TEX19: variants seen among roughly 807,000 people sequenced by gnomAD.
The protein encoded by TEX19 is testis expressed 19.
For missense variants in TEX19, 184 were observed against 194.4 expected (o/e 0.95, Z 0.32); for synonymous variants, 77 against 73.9 (o/e 1.04, Z -0.21).
chr17:82,360,036 C>CCTCA (rs2052370026), intron 1 of TEX19, among the ~76,000 whole-genome samples: 3 of 128,748 alleles, frequency 2.3e-5, no homozygotes, highest in Admixed American at 7.5e-5. Context: ...CAGGTTCCCC[C>CCTCA]AGTTTCCCCC....
At position 82,362,600 on chromosome 17, in the gene TEX19, G is replaced by A; in HGVS notation, c.450G>A (p.Glu150=). The A allele has an allele frequency of 1.9e-6, 3 of 1,588,952 alleles. No homozygotes were observed. The highest frequency in any genetic ancestry group is 2.6e-6 in the Non-Finnish European group (3 of 1,171,742). The part of the protein sequence containing the change: ...DWTQGLPWRF[E]ELLTCSHWPS... The stretch of plus-strand genomic sequence containing the variant: ...CCCAGGGTCTTCCCTGGAGATTTGA[G>A]GAGCTTCTTACCTGCTCACACTGGC... Residue 150 remains glutamate, a synonymous_variant, in exon 2 of 2, where the codon GAG becomes GAA. Transcript: ENST00000333437. The surrounding 1 kb of genome is among the most constrained non-coding windows in gnomAD (Gnocchi z 5.5).
Position 82,362,164 on chromosome 17 carries a change from T to A in TEX19, c.14T>A (p.Val5Asp). Reference protein sequence around the residue: MCPPVSMRYEEEGMS... With the variant: MCPPDSMRYEEEGMS... Reference sequence around the variant, plus strand: ...GGCAGCCTGGCCATGTGCCCTCCGGTCAGCATGCGGTATGAGGAAGAGGGC... The same window carrying A: ...GGCAGCCTGGCCATGTGCCCTCCGGACAGCATGCGGTATGAGGAAGAGGGC... Residue 5 changes from valine (V) to aspartate (D), a missense_variant, in exon 2 of 2, where the codon GTC (valine) becomes GAC (aspartate). Val to Asp is a radical substitution (Grantham distance 152, BLOSUM62 -3). Coordinates refer to ENST00000333437, the MANE Select transcript of TEX19 (RefSeq NM_207459.4). The surrounding 1 kb of genome is among the most constrained non-coding windows in gnomAD (Gnocchi z 5.5). 6.2e-7 allele frequency: 1 copy of A among 1,609,036 alleles called. No homozygotes were observed. Among genetic ancestry groups the A allele is most frequent in the Non-Finnish European group, 8.5e-7 (1 of 1,177,856 alleles).
intron 1 of TEX19, among the ~76,000 whole-genome samples, chr17:82,360,878 G>T (rs187780243): frequency 5.7e-4 from 34 of 60,046 alleles, no homozygotes; most frequent in African/African-American, 1.2e-3. Context: ...TTTCCCTCAG[G>T]TTCCCTCAGT....
At position 82,362,280 on chromosome 17, in the gene TEX19, GACTTT is replaced by G. The variant is rs758143796; in HGVS notation, c.132_136del (p.Asp44GlufsTer17). On this transcript the variant is annotated frameshift_variant, in exon 2 of 2. Transcript: ENST00000333437. LOFTEE classifies it low-confidence loss of function (END_TRUNC). The surrounding 1 kb of genome is among the most constrained non-coding windows in gnomAD (Gnocchi z 5.5). ...CACCTGCTTCAAGGCTGCCTTTCTA[GACTTT>G]AAAGACTTGCTGGAGTCAGAGGACT... The G allele has an allele frequency of 1.5e-5, 25 of 1,613,936 alleles. No homozygotes were observed. Among genetic ancestry groups the G allele is most frequent in the Non-Finnish European group, 1.8e-5 (21 of 1,180,040 alleles).
chr17:82,360,385 T>C (rs1368082822), intron 1 of TEX19, among the ~76,000 whole-genome samples: 1 of 75,190 alleles, frequency 1.3e-5, no homozygotes, highest in South Asian at 8.3e-4. Flanking sequence ...CCCTCAAGTT[T>C]CCCTCAGGTT....
chr17:82,362,231 T>C lies in TEX19; in HGVS notation c.81T>C (p.His27=). The change falls in exon 2 of 2, where the codon CAT becomes CAC. Residue 27 remains histidine (H), a synonymous_variant. Transcript: ENST00000333437. This position sits in a 1 kb window ranked among gnomAD's most constrained non-coding sequence, Gnocchi z 5.5. Reference sequence around the variant, plus strand: ...CCTCCTGGATGTATCAGCTTCAACATGGAGATCAGCTAAGCATTTGCTTCA... The same window carrying C: ...CCTCCTGGATGTATCAGCTTCAACACGGAGATCAGCTAAGCATTTGCTTCA... ...LYASWMYQLQ[H]GDQLSICFTC... 3 of 1,613,934 alleles carry C rather than the reference T, an allele frequency of 1.9e-6. No individual in the cohort carries two copies. The highest frequency in any genetic ancestry group is 2.5e-6 in the Non-Finnish European group (3 of 1,180,014).
rs2052397863 is a variant in TEX19, at chr17:82,361,905, G to A, written c.-246G>A. 1 of 730,388 alleles carries A rather than the reference G, an allele frequency of 1.4e-6. No individual in the cohort carries two copies. The highest frequency in any genetic ancestry group is 2.5e-5 in the South Asian group (1 of 40,748). The allele number at this position is 730,388 out of a possible 1,614,324, so 45.2% of individuals were successfully genotyped here. Reference sequence around the variant, plus strand: ...CTCTCCTGAGACCACAGCAACTGCAGAAGCTGAAGACATTTCCAGAAGTTC... The same window carrying A: ...CTCTCCTGAGACCACAGCAACTGCAAAAGCTGAAGACATTTCCAGAAGTTC... On this transcript the variant is annotated 5_prime_UTR_variant, in exon 2 of 2. Coordinates refer to ENST00000333437, the MANE Select transcript of TEX19 (RefSeq NM_207459.4).
intron 1 of TEX19, among the ~76,000 whole-genome samples, chr17:82,359,656 C>T (rs1322882868): frequency 1.3e-5 from 2 of 149,906 alleles, no homozygotes; most frequent in Non-Finnish European, 3.0e-5. Flanking sequence ...CCTCAGGTTC[C>T]CCCAGTTTCC....
rs1212293324 is a variant in TEX19 at position 82,362,060 on chromosome 17, AC to A, written c.-90del. The A allele has an allele frequency of 5.4e-5, 80 of 1,478,016 alleles. No individual in the cohort carries two copies. Among genetic ancestry groups the A allele is most frequent in the Non-Finnish European group, 7.1e-5 (78 of 1,105,616 alleles). The allele number at this position is 1,478,016 out of a possible 1,614,324, so 91.6% of individuals were successfully genotyped here. On this transcript the variant is annotated 5_prime_UTR_variant, in exon 2 of 2. It adds an upstream start codon to the 5' untranslated region. Transcript: ENST00000333437. This position sits in a 1 kb window ranked among gnomAD's most constrained non-coding sequence, Gnocchi z 5.5. ...CTTCATCCCTGCCGCCCAGCATCCT[AC>A]TGGCCTCAGCACCTGTGGCCAGACC... is the stretch of plus-strand genomic sequence containing the variant.
chr17:82,362,670 C>T lies in TEX19; in HGVS notation c.*25C>T, dbSNP rs753808757. 11 of 1,522,310 alleles carry T rather than the reference C, an allele frequency of 7.2e-6. No individual in the cohort carries two copies. In the South Asian group the frequency reaches 1.5e-4, roughly 20 times the overall value. The allele number at this position is 1,522,310 out of a possible 1,614,324, so 94.3% of individuals were successfully genotyped here. On this transcript the variant is annotated 3_prime_UTR_variant, in exon 2 of 2. Transcript: ENST00000333437. This position sits in a 1 kb window ranked among gnomAD's most constrained non-coding sequence, Gnocchi z 5.5. The stretch of plus-strand genomic sequence containing the variant: ...GCAGGGGTTTCTCAAAGTGGACCTG[C>T]CCCCAGGGGAGCCCGTGGTGTTGAA...
chr17:82,360,685 G>A (rs1312890235), intron 1 of TEX19, among the ~76,000 whole-genome samples: 1 of 128,358 alleles, frequency 7.8e-6, no homozygotes, highest in Admixed American at 7.9e-5. Flanking sequence ...GTTTCCCTCA[G>A]GTTCCCCCAG....
At position 82,362,688 on chromosome 17, in the gene TEX19, G is replaced by A. The variant is rs188429647; in HGVS notation, c.*43G>A. On this transcript the variant is annotated 3_prime_UTR_variant, in exon 2 of 2. Transcript: ENST00000333437. This position sits in a 1 kb window ranked among gnomAD's most constrained non-coding sequence, Gnocchi z 5.5. ...GGACCTGCCCCCAGGGGAGCCCGTG[G>A]TGTTGAAGCTGGGCATTACCTGGGC... 1 of 1,518,010 alleles carries A rather than the reference G, an allele frequency of 6.6e-7. No homozygotes were observed. The highest frequency in any genetic ancestry group is 8.8e-7 in the Non-Finnish European group (1 of 1,136,280). The allele number at this position is 1,518,010 out of a possible 1,614,324, so 94.0% of individuals were successfully genotyped here. A position where few individuals can be genotyped will look rare whatever the true frequency, so the allele number is the denominator to read the frequency against.
At position 82,362,077 on chromosome 17, in the gene TEX19, T is replaced by C. The variant is rs1484242189; in HGVS notation, c.-74T>C. On this transcript the variant is annotated 5_prime_UTR_variant, in exon 2 of 2. Coordinates refer to ENST00000333437, the MANE Select transcript of TEX19 (RefSeq NM_207459.4). This position sits in a 1 kb window ranked among gnomAD's most constrained non-coding sequence, Gnocchi z 5.5. ...AGCATCCTACTGGCCTCAGCACCTG[T>C]GGCCAGACCGTCCAAGATCCTCTGA... is the stretch of plus-strand genomic sequence containing the variant. 2 of 1,528,652 alleles carry C rather than the reference T, an allele frequency of 1.3e-6. No homozygotes were observed. Among genetic ancestry groups the C allele is most frequent in the Non-Finnish European group, 1.8e-6 (2 of 1,141,344 alleles). The allele number at this position is 1,528,652 out of a possible 1,614,324, so 94.7% of individuals were successfully genotyped here.
chr17:82,362,685 G>C lies in TEX19; in HGVS notation c.*40G>C, dbSNP rs7502620. The C allele has an allele frequency of 1.3e-6, 2 of 1,517,932 alleles. No individual in the cohort carries two copies. The highest frequency in any genetic ancestry group is 1.8e-6 in the Non-Finnish European group (2 of 1,136,370). 94.0% of individuals were successfully genotyped at this position (1,517,932 alleles called of 1,614,324 possible). The stretch of plus-strand genomic sequence containing the variant: ...AGTGGACCTGCCCCCAGGGGAGCCC[G>C]TGGTGTTGAAGCTGGGCATTACCTG... On this transcript the variant is annotated 3_prime_UTR_variant, in exon 2 of 2. Transcript: ENST00000333437. This position sits in a 1 kb window ranked among gnomAD's most constrained non-coding sequence, Gnocchi z 5.5.
At chr17:82,360,056 CAGTTTCCCCCAGTTTCCCTCA>C (rs2052370472) in intron 1 of TEX19, among the ~76,000 whole-genome samples, 1 of 121,462 alleles carries the variant, frequency 8.2e-6, no homozygotes, top group African/African-American at 3.5e-5. Flanking sequence ...CAGGTTCCCC[CAGTTTCCCCCAGTTTCCCTCA>C]AGTTTCCCTC....
Position 82,361,947 on chromosome 17 carries a change from C to A in TEX19, c.-204C>A. ...CAGAAGTTCAAGCTTCCACCCTCTGCAGGTCCCCACTGAGCTGGGACCCAG... is the reference window on the plus strand; with the variant it reads ...CAGAAGTTCAAGCTTCCACCCTCTGAAGGTCCCCACTGAGCTGGGACCCAG... On this transcript the variant is annotated 5_prime_UTR_variant, in exon 2 of 2. Transcript: ENST00000333437. The A allele has an allele frequency of 1.3e-6, 1 of 764,998 alleles. No homozygotes were observed. Among genetic ancestry groups the A allele is most frequent in the Non-Finnish European group, 2.0e-6 (1 of 499,384 alleles). 47.4% of individuals were successfully genotyped at this position (764,998 alleles called of 1,614,324 possible). A position where few individuals can be genotyped will look rare whatever the true frequency, so the allele number is the denominator to read the frequency against.
intron 1 of TEX19, among the ~76,000 whole-genome samples, chr17:82,360,822 C>T (rs1308647088): frequency 4.4e-5 from 6 of 136,730 alleles, no homozygotes; most frequent in African/African-American, 1.4e-4. Context: ...CCCCAGTTTC[C>T]CTCAGGTTCC....
rs1217154721 is a variant in TEX19, at chr17:82,362,092, A to T, written c.-59A>T. The T allele has an allele frequency of 6.4e-6, 10 of 1,554,274 alleles. No individual in the cohort carries two copies. Among genetic ancestry groups the T allele is most frequent in the Non-Finnish European group, 8.7e-6 (10 of 1,155,178 alleles). ...TCAGCACCTGTGGCCAGACCGTCCA[A>T]GATCCTCTGAAGGCCCAGCTCTTGC... On this transcript the variant is annotated 5_prime_UTR_variant, in exon 2 of 2. The change creates a new upstream start codon in the 5' untranslated region. Coordinates refer to ENST00000333437, the MANE Select transcript of TEX19 (RefSeq NM_207459.4). This position sits in a 1 kb window ranked among gnomAD's most constrained non-coding sequence, Gnocchi z 5.5.
chr17:82,360,531 C>A (rs1231410344), intron 1 of TEX19, among the ~76,000 whole-genome samples: 1 of 79,338 alleles, frequency 1.3e-5, no homozygotes. Flanking sequence ...CAGGTTCCCC[C>A]AGTTTCCCTC....
Sources: gnomAD v4.1 joint callset for allele counts (sites outside exome capture counted in the v4.1 genomes callset) on GRCh38, gnomAD v4.1.1 for gene constraint, Gnocchi (gnomAD v3.1) non-coding constraint, MANE v1.5 for transcripts, NCBI Gene and HGNC (gene_info 2026-07-23, HGNC 2026-07-21) for gene names.